The following SHOC1 variants were observed in gnomAD, a reference collection of about 807,000 sequenced individuals.
SHOC1 encodes protein shortage in chiasmata 1 ortholog.
A neutral mutation model predicts 179.2 loss-of-function variants in SHOC1; 136 were observed. That is an observed-to-expected ratio of 0.76 (90% CI 0.66 to 0.87). The LOEUF (loss-of-function observed/expected upper bound fraction) is 0.87, where lower values mean the gene tolerates loss of function less well. Ranked by LOEUF, SHOC1 falls within the 40% of genes least tolerant of loss-of-function variation. SHOC1 has a pLI of 0.00. For missense variants in SHOC1, 1,538 were observed against 1,700.8 expected (o/e 0.90, Z 1.68); for synonymous variants, 489 against 586.6 (o/e 0.83, Z 2.41).
At chr9:111,760,922 G>A (rs188721330) in intron 5 of SHOC1, among the ~76,000 whole-genome samples, 7 of 151,432 alleles carry the variant, frequency 4.6e-5, no homozygotes, top group African/African-American at 1.4e-4. Flanking sequence ...ATAGTTATGA[G>A]AGTAGAAAAA....
chr9:111,748,818 C>G (rs886780684), intron 8 of SHOC1, among the ~76,000 whole-genome samples: 1 of 114,740 alleles, frequency 8.7e-6, no homozygotes, highest in Non-Finnish European at 1.7e-5. Context: ...CTTCCTTCCT[C>G]CCTCCCTTCC....
intron 5 of SHOC1, among the ~76,000 whole-genome samples, chr9:111,772,363 C>G (rs1240478565): frequency 6.6e-6 from 1 of 152,146 alleles, no homozygotes; most frequent in Non-Finnish European, 1.5e-5. Context: ...TGAAACTGCT[C>G]TTTTGAATTT....
chr9:111,747,946 C>T, intron 9 of SHOC1, 146 bp downstream of exon 9: 1 of 517,542 alleles, frequency 1.9e-6, no homozygotes, highest in Non-Finnish European at 3.4e-6. Context: ...TATAAAGGAG[C>T]AAATAAGAAA....
chr9:111,774,270 TA>T (rs1211867288), intron 5 of SHOC1, among the ~76,000 whole-genome samples: 1 of 152,112 alleles, frequency 6.6e-6, no homozygotes, highest in African/African-American at 2.4e-5. Context: ...GAACAAAATT[TA>T]AAAATCTTAA....
chr9:111,745,716 A>G (rs1171514739), intron 10 of SHOC1, among the ~76,000 whole-genome samples: 1 of 152,148 alleles, frequency 6.6e-6, no homozygotes, highest in Non-Finnish European at 1.5e-5. Context: ...ATAAATTTCT[A>G]TTGTTTAAGT....
rs1311856007 is a variant in SHOC1, at chr9:111,756,356, A to G, written c.831T>C (p.Tyr277=). The change falls in exon 8 of 28, where the codon TAT becomes TAC. Residue 277 remains tyrosine (Y), a synonymous_variant. Transcript: ENST00000682961. ...LLNPVPEIIN[Y]VDEKEKLFER... is the part of the protein sequence containing the mutation. ...CAAAAAGCTTTTCCTTTTCATCTAC[A>G]TAGTTTATTATTTCTGGCACTGGGT... 6.2e-7 allele frequency: 1 copy of G among 1,604,742 alleles called. No individual in the cohort carries two copies. Among genetic ancestry groups the G allele is most frequent in the Non-Finnish European group, 8.5e-7 (1 of 1,176,950 alleles).
chr9:111,761,185 A>G (rs1835118820), intron 5 of SHOC1, among the ~76,000 whole-genome samples: 2 of 152,156 alleles, frequency 1.3e-5, no homozygotes, highest in South Asian at 4.1e-4. Context: ...ACTTTTAAAC[A>G]TACATCAAAA....
intron 10 of SHOC1, among the ~76,000 whole-genome samples, chr9:111,744,098 A>G (rs1834157051): frequency 6.6e-6 from 1 of 152,214 alleles, no homozygotes; most frequent in Non-Finnish European, 1.5e-5. Flanking sequence ...AGAGCTTATT[A>G]TGGTTTAAAT....
intron 24 of SHOC1, among the ~76,000 whole-genome samples, chr9:111,694,930 C>T (rs1831621484): frequency 6.6e-6 from 1 of 151,908 alleles, no homozygotes; most frequent in Non-Finnish European, 1.5e-5. Flanking sequence ...GATACCCCTG[C>T]CAAAAATGTG....
At chr9:111,700,531 T>A (rs778601577) in intron 23 of SHOC1, among the ~76,000 whole-genome samples, 10 of 152,160 alleles carry the variant, frequency 6.6e-5, no homozygotes, top group Non-Finnish European at 1.0e-4. Flanking sequence ...TGGGTAGATA[T>A]TTCTACTACC....
intron 15 of SHOC1, 130 bp downstream of exon 15, chr9:111,722,279 A>G (rs746334127): frequency 1.6e-4 from 121 of 777,150 alleles, no homozygotes; most frequent in Middle Eastern, 7.5e-4. Context: ...GCTGGGTATC[A>G]CAAGCTGAAT....
intron 15 of SHOC1, among the ~76,000 whole-genome samples, chr9:111,720,036 A>C (rs1305639200): frequency 6.6e-6 from 1 of 152,222 alleles, no homozygotes; most frequent in African/African-American, 2.4e-5. Context: ...CAGCTATCTG[A>C]AAACTCTAAA....
intron 8 of SHOC1, among the ~76,000 whole-genome samples, chr9:111,750,942 G>A (rs1365123598): frequency 6.6e-6 from 1 of 152,134 alleles, no homozygotes; most frequent in Non-Finnish European, 1.5e-5. Context: ...GAATGGTATT[G>A]CCTAGATTTT....
At chr9:111,717,936 A>T (rs1832869994) in intron 16 of SHOC1, among the ~76,000 whole-genome samples, 2 of 152,222 alleles carry the variant, frequency 1.3e-5, no homozygotes, top group Non-Finnish European at 2.9e-5. Flanking sequence ...CAAATCTGCT[A>T]GATTAGAGAA....
Position 111,768,107 on chromosome 9 carries a change from A to G in SHOC1, c.442+7684T>C, listed in dbSNP as rs569781867. On this transcript the variant is annotated intron_variant, in intron 5 of 27. Coordinates refer to ENST00000682961, the MANE Select transcript of SHOC1 (RefSeq NM_001378211.1). The stretch of plus-strand genomic sequence containing the variant: ...ATATAGATCTTTCACTTCTTTGGTT[A>G]GAATGATTTCTAGGTATTTTATATT... 2.6e-5 allele frequency among the ~76,000 whole-genome samples: 4 copies of G among 152,204 alleles called. No individual in the cohort carries two copies. In the South Asian group the frequency reaches 8.3e-4, roughly 32 times the overall value.
intron 22 of SHOC1, among the ~76,000 whole-genome samples, chr9:111,703,155 T>C (rs1277035196): frequency 6.6e-6 from 1 of 152,160 alleles, no homozygotes; most frequent in Admixed American, 6.6e-5. Context: ...CAGAAAAATA[T>C]TGTTTAAGAA....
intron 10 of SHOC1, among the ~76,000 whole-genome samples, chr9:111,745,971 A>C (rs1248116465): frequency 6.6e-6 from 1 of 152,206 alleles, no homozygotes; most frequent in Non-Finnish European, 1.5e-5. Context: ...TCTCCTACAC[A>C]CATTGCTAGG....
intron 12 of SHOC1, among the ~76,000 whole-genome samples, chr9:111,736,265 C>T (rs1219659039): frequency 6.6e-6 from 1 of 152,046 alleles, no homozygotes; most frequent in East Asian, 1.9e-4. Context: ...CAAAGCAATC[C>T]TAAGCAAAAA....
intron 2 of SHOC1, among the ~76,000 whole-genome samples, chr9:111,786,430 G>A (rs989522027): frequency 3.9e-4 from 58 of 150,648 alleles, no homozygotes; most frequent in Admixed American, 1.8e-3. Context: ...GTGAGACTCC[G>A]TGTCAAAAAA....
Sources: gnomAD v4.1 joint callset for allele counts (sites outside exome capture counted in the v4.1 genomes callset) on GRCh38, gnomAD v4.1.1 for gene constraint, MANE v1.5 for transcripts, NCBI Gene and HGNC (gene_info 2026-07-23, HGNC 2026-07-21) for gene names.